Variants in MROH1 observed in about 807,000 individuals in gnomAD.
The protein encoded by MROH1 is maestro heat like repeat family member 1.
A neutral mutation model predicts 116.5 loss-of-function variants in MROH1; 117 were observed. The ratio of observed to expected loss-of-function variants is 1.00; its 90% CI spans 0.86 to 1.17. The LOEUF (loss-of-function observed/expected upper bound fraction) is 1.17. Among genes scored for constraint, MROH1 ranks in the 50% most tolerant of loss-of-function variants. MROH1 has a pLI of 0.00. For synonymous variants in MROH1, 921 were observed against 583.9 expected, an observed-to-expected ratio of 1.58 and a Z score of -8.32; for missense variants, 1,873 against 1,338.5, an observed-to-expected ratio of 1.40 and a Z score of -6.23.
intron 12 of MROH1, among the ~76,000 whole-genome samples, chr8:144,209,086 G>A (rs948340895): frequency 2.1e-5 from 3 of 144,640 alleles, no homozygotes; most frequent in African/African-American, 7.9e-5. Flanking sequence ...TAGTGGAGAC[G>A]GAGTTTCGCC....
chr8:144,244,123 C>T (rs914919918), intron 26 of MROH1, 99 bp from the exon 27 acceptor site: 11 of 700,760 alleles, frequency 1.6e-5, no homozygotes, highest in South Asian at 1.5e-4. Context: ...GCAGAGTAAA[C>T]ATGGCAGTGG....
chr8:144,156,761 T>C (rs1435924695), intron 1 of MROH1, among the ~76,000 whole-genome samples: 1 of 141,742 alleles, frequency 7.1e-6, no homozygotes, highest in Non-Finnish European at 1.5e-5. Flanking sequence ...ATAAGGAATA[T>C]TGCTTTGTAG....
chr8:144,176,280 T>C (rs529782201), intron 4 of MROH1, among the ~76,000 whole-genome samples: 18 of 142,070 alleles, frequency 1.3e-4, no homozygotes, highest in Non-Finnish European at 2.2e-4. Context: ...GGCTGAGGCA[T>C]GATCATCACT....
rs1842083831 is a variant in MROH1, at chr8:144,247,363, C to T, written c.2934C>T (p.Asp978=). The change falls in exon 30 of 44, where the codon GAC becomes GAT. Residue 978 remains aspartate (D), a synonymous_variant. Coordinates refer to ENST00000326134, the MANE Select transcript of MROH1 (RefSeq NM_032450.3). ...LIGLFSPRCA[D]LWPATRQEAV... ...GCCTCTTCTCCCCACGGTGTGCGGA[C>T]CTGTGGCCTGCCACCCGCCAGGAGG... The T allele has an allele frequency of 2.6e-6, 2 of 772,338 alleles. No homozygotes were observed. Among genetic ancestry groups the T allele is most frequent in the Non-Finnish European group, 4.8e-6 (2 of 414,744 alleles). 47.8% of individuals were successfully genotyped at this position (772,338 alleles called of 1,614,324 possible). A position where few individuals can be genotyped will look rare whatever the true frequency, so the allele number is the denominator to read the frequency against.
At chr8:144,222,623 G>A (rs769877522) in intron 13 of MROH1, among the ~76,000 whole-genome samples, 8 of 152,060 alleles carry the variant, frequency 5.3e-5, no homozygotes, top group Non-Finnish European at 1.2e-4. Context: ...TATGGGTGTT[G>A]GTGCTGGCAC....
chr8:144,175,362 C>G, intron 4 of MROH1: 1 of 474,008 alleles, frequency 2.1e-6, no homozygotes, highest in Non-Finnish European at 2.7e-6. Flanking sequence ...CCCCTCCCAG[C>G]AACAGGTCTG....
intron 33 of MROH1, 34 bp downstream of exon 33, chr8:144,250,400 TCTGGAATGATGCTCCCC>T (rs1168576244): frequency 1.4e-4 from 104 of 738,172 alleles, no homozygotes; most frequent in Admixed American, 5.0e-4. Context: ...TAGGGGTCCC[TCTGGAATGATGCTCCCC>T]CTGGAATGAT....
chr8:144,208,486 TC>T (rs1242538604), intron 12 of MROH1, among the ~76,000 whole-genome samples: 2 of 150,978 alleles, frequency 1.3e-5, no homozygotes, highest in African/African-American at 4.9e-5. Context: ...TATCCCTATA[TC>T]CCCCTTTTAT....
Position 144,261,676 on chromosome 8 carries a change from A to G in MROH1, c.4862A>G (p.Asp1621Gly). The change falls in exon 44 of 44, where the codon GAC (aspartate) becomes GGC (glycine). Residue 1621 changes from aspartate to glycine, a missense_variant. Transcript: ENST00000326134. Reference sequence around the variant, plus strand: ...CCAGCGCTCCAGATCCTGCTGAAGGACCCGGCCCCCGAGGTGCGGACGAGG... The same window carrying G: ...CCAGCGCTCCAGATCCTGCTGAAGGGCCCGGCCCCCGAGGTGCGGACGAGG... ...LIAALQILLKDPAPEVRTRAA... is the reference protein window; with the variant it reads ...LIAALQILLKGPAPEVRTRAA... 1.4e-6 allele frequency: 1 copy of G among 726,020 alleles called. No individual in the cohort carries two copies. Among genetic ancestry groups the G allele is most frequent in the South Asian group, 1.5e-5 (1 of 68,790 alleles). The allele number at this position is 726,020 out of a possible 1,614,324, so 45.0% of individuals were successfully genotyped here.
chr8:144,169,394 G>A (rs2131032131), intron 4 of MROH1, among the ~76,000 whole-genome samples: 1 of 151,718 alleles, frequency 6.6e-6, no homozygotes, highest in African/African-American at 2.4e-5. Flanking sequence ...TTCTTCCTCT[G>A]TCAGCTGTCT....
chr8:144,234,073 G>C (rs1361027845), intron 14 of MROH1, among the ~76,000 whole-genome samples: 19 of 151,394 alleles, frequency 1.3e-4, no homozygotes, highest in African/African-American at 4.4e-4. Context: ...GCAGTGGCGC[G>C]ATCTCGGCTC....
chr8:144,243,599 C>G lies in MROH1; in HGVS notation c.2458C>G (p.Leu820Val). The G allele has an allele frequency of 1.3e-6, 1 of 779,868 alleles. No individual in the cohort carries two copies. Among genetic ancestry groups the G allele is most frequent in the East Asian group, 2.4e-5 (1 of 41,258 alleles). The allele number at this position is 779,868 out of a possible 1,614,324, so 48.3% of individuals were successfully genotyped here. A position where few individuals can be genotyped will look rare whatever the true frequency, so the allele number is the denominator to read the frequency against. ...CTTCCACTTCACCCGGAAAGCAGAG[C>G]TGGTGGCACAGATGATGGTGAGCGT... ...GSFHFTRKAE[L>V]VAQMMEFIRA... is the part of the protein sequence containing the mutation. Residue 820 changes from leucine to valine, a missense_variant, in exon 25 of 44, where the codon CTG (leucine) becomes GTG (valine). Leu to Val is a conservative substitution (Grantham distance 32). Coordinates refer to ENST00000326134, the MANE Select transcript of MROH1 (RefSeq NM_032450.3).
chr8:144,261,715 T>C lies in MROH1; in HGVS notation c.4901T>C (p.Leu1634Pro), dbSNP rs932496739. The C allele has an allele frequency of 1.4e-6, 1 of 721,352 alleles. No individual in the cohort carries two copies. Among genetic ancestry groups the C allele is most frequent in the South Asian group, 1.5e-5 (1 of 68,436 alleles). The allele number at this position is 721,352 out of a possible 1,614,324, so 44.7% of individuals were successfully genotyped here. ...GTGCGGACGAGGGCTGCTGAGGCCCTGGGCCGCCTGGTGAAGCTCGCCTAA... is the reference window on the plus strand; with the variant it reads ...GTGCGGACGAGGGCTGCTGAGGCCCCGGGCCGCCTGGTGAAGCTCGCCTAA... ...PEVRTRAAEA[L>P]GRLVKLA The change falls in exon 44 of 44, where the codon CTG (leucine) becomes CCG (proline). Residue 1634 changes from leucine (L) to proline (P), a missense_variant. Transcript: ENST00000326134.
At chr8:144,212,555 A>G (rs1225281623) in intron 12 of MROH1, among the ~76,000 whole-genome samples, 1 of 147,140 alleles carries the variant, frequency 6.8e-6, no homozygotes, top group Non-Finnish European at 1.5e-5. Context: ...TATGGACCTC[A>G]GAGATTTTTA....
chr8:144,229,089 G>C (rs937766555), intron 14 of MROH1, among the ~76,000 whole-genome samples: 1 of 152,174 alleles, frequency 6.6e-6, no homozygotes, highest in African/African-American at 2.4e-5. Context: ...CAGCAATTCA[G>C]TTCCATCTTC....
intron 10 of MROH1, among the ~76,000 whole-genome samples, chr8:144,196,555 C>G: frequency 6.6e-6 from 1 of 151,368 alleles, no homozygotes; most frequent in East Asian, 2.0e-4. Flanking sequence ...CAGGGTTTCA[C>G]TATTTTGGCC....
intron 43 of MROH1, 112 bp downstream of exon 43, chr8:144,261,461 C>G (rs1411204831): frequency 2.9e-6 from 2 of 697,604 alleles, no homozygotes; most frequent in Non-Finnish European, 5.2e-6. Flanking sequence ...CACTGGTGAC[C>G]TCATCGTCTC....
rs982453097 is a variant in MROH1, at chr8:144,250,369, A to G, written c.3428+3A>G. On this transcript the variant is annotated splice_donor_region_variant and intron_variant, in intron 33 of 43. Transcript: ENST00000326134. The stretch of plus-strand genomic sequence containing the variant: ...GGCAGCCCCTTGCCCTTGGACAGGT[A>G]CCCAGCTCAGACTCCAGGCTTAGGG... 1 of 761,144 alleles carries G rather than the reference A, an allele frequency of 1.3e-6. No individual in the cohort carries two copies. Among genetic ancestry groups the G allele is most frequent in the Non-Finnish European group, 2.4e-6 (1 of 412,254 alleles). The allele number at this position is 761,144 out of a possible 1,614,324, so 47.1% of individuals were successfully genotyped here.
intron 7 of MROH1, among the ~76,000 whole-genome samples, chr8:144,187,764 A>C (rs1292868645): frequency 6.6e-6 from 1 of 152,086 alleles, no homozygotes; most frequent in Non-Finnish European, 1.5e-5. Context: ...CAGTGGCCCC[A>C]TGAAGGGGAC....
Sources: allele counts gnomAD v4.1 joint callset (sites outside exome capture counted in the v4.1 genomes callset), GRCh38; gene constraint gnomAD v4.1.1; transcripts MANE v1.5; gene names NCBI Gene and HGNC (gene_info 2026-07-23, HGNC 2026-07-21).